IFRD1: variants seen among roughly 807,000 people sequenced by gnomAD.
IFRD1 encodes interferon-related developmental regulator 1.
A neutral mutation model predicts 52.9 loss-of-function variants in IFRD1; 35 were observed. The ratio of observed to expected loss-of-function variants is 0.66; its 90% confidence interval spans 0.51 to 0.88. The LOEUF is 0.88. Among genes scored for constraint, IFRD1 ranks in the 40% least tolerant of loss-of-function variants. IFRD1 has a pLI of 0.00. For missense variants in IFRD1, 517 were observed against 550.8 expected (o/e 0.94, Z 0.61); for synonymous variants, 184 against 188.4 (o/e 0.98, Z 0.19).
chr7:112,467,873 C>T (rs1795650226), intron 8 of IFRD1, 108 bp from the exon 9 acceptor site: 1 of 1,026,580 alleles, frequency 9.7e-7, no homozygotes, highest in Non-Finnish European at 1.5e-6. Flanking sequence ...TTTACATTGC[C>T]TTATGCAACT....
chr7:112,454,279 TG>T (rs1331044969), intron 1 of IFRD1, among the ~76,000 whole-genome samples: 1 of 152,108 alleles, frequency 6.6e-6, no homozygotes, highest in Non-Finnish European at 1.5e-5. Flanking sequence ...CTGCAGTCTG[TG>T]CCACCTGGGT....
At chr7:112,450,858 A>T in intron 1 of IFRD1, 76 bp downstream of exon 1, 1 of 1,013,486 alleles carries the variant, frequency 9.9e-7, no homozygotes, top group Admixed American at 1.8e-5. Context: ...GCACGGTGGG[A>T]GTTGTAGTTC....
chr7:112,437,457 T>C lies in IFRD1; in HGVS notation c.-181-13051T>C, dbSNP rs998140010. On this transcript the variant is annotated intron_variant, in intron 1 of 12. Coordinates refer to the IFRD1 transcript ENST00000005558. ...TACCATGTGCCAGGCATGTGCTAAG[T>C]GCCAGCATGTATTATCTTAATTATC... Among the ~76,000 whole-genome samples, 8 of 152,208 alleles carry C rather than the reference T, an allele frequency of 5.3e-5. No homozygotes were observed. The East Asian group carries it at 1.2e-3, about 22-fold the overall frequency.
intron 8 of IFRD1, chr7:112,467,351 C>A (rs1795636387): frequency 6.6e-6 from 1 of 152,332 alleles, no homozygotes; most frequent in Non-Finnish European, 1.5e-5. Flanking sequence ...AATAAAAACA[C>A]CTCAAATAAA....
At chr7:112,439,259 G>A (rs1298511917) in intron 1 of IFRD1, among the ~76,000 whole-genome samples, 3 of 152,220 alleles carry the variant, frequency 2.0e-5, no homozygotes, top group Non-Finnish European at 4.4e-5. Flanking sequence ...TGACAAGAGT[G>A]AGGATTTCAA....
intron 1 of IFRD1, among the ~76,000 whole-genome samples, chr7:112,423,603 A>G (rs985342789): frequency 2.0e-5 from 3 of 152,190 alleles, no homozygotes; most frequent in African/African-American, 7.2e-5. Context: ...TTGAACAAAA[A>G]CCAGAAGGTG....
upstream of IFRD1, among the ~76,000 whole-genome samples, chr7:112,445,764 T>C (rs1795014207): frequency 6.6e-6 from 1 of 152,230 alleles, no homozygotes; most frequent in Admixed American, 6.5e-5. Context: ...TGGTGTTCTG[T>C]TTCTAATTTG....
chr7:112,476,558 G>A lies in IFRD1; in HGVS notation c.*1039G>A, dbSNP rs1795908580. 1 of 152,132 alleles carries A rather than the reference G, an allele frequency of 6.6e-6. No individual in the cohort carries two copies. Among genetic ancestry groups the A allele is most frequent in the South Asian group, 2.1e-4 (1 of 4,830 alleles). The allele number at this position is 152,132 out of a possible 1,614,324, so 9.4% of individuals were successfully genotyped here. ...ACTCTTTATCTACTTGGGTGCTGAGGCAAGAGGGTAACTTGAGCCCAGGAG... is the reference window on the plus strand; with the variant it reads ...ACTCTTTATCTACTTGGGTGCTGAGACAAGAGGGTAACTTGAGCCCAGGAG... On this transcript the variant is annotated 3_prime_UTR_variant, in exon 12 of 12. Coordinates refer to ENST00000403825, the MANE Select transcript of IFRD1 (RefSeq NM_001550.4).
intron 4 of IFRD1, chr7:112,457,300 G>A (rs899837147): frequency 8.7e-6 from 5 of 573,814 alleles, no homozygotes; most frequent in Non-Finnish European, 1.5e-5. Context: ...CAGAAGAGGT[G>A]ATGGTCATTC....
At chr7:112,470,138 T>TA (rs1380275997) in intron 9 of IFRD1, among the ~76,000 whole-genome samples, 2 of 152,178 alleles carry the variant, frequency 1.3e-5, no homozygotes, top group African/African-American at 4.8e-5. Context: ...AGCAAGCACT[T>TA]AATGTTTTAG....
chr7:112,474,199 T>G (rs892898687), intron 11 of IFRD1, among the ~76,000 whole-genome samples: 3 of 152,250 alleles, frequency 2.0e-5, no homozygotes, highest in Admixed American at 6.5e-5. Context: ...TGAATAGTGT[T>G]GCTCTGAACA....
intron 1 of IFRD1, among the ~76,000 whole-genome samples, chr7:112,439,900 C>T (rs1794828697): frequency 6.6e-6 from 1 of 152,118 alleles, no homozygotes; most frequent in African/African-American, 2.4e-5. Context: ...GATATCTGAA[C>T]AAAATTGGGG....
intron 1 of IFRD1, among the ~76,000 whole-genome samples, chr7:112,440,668 A>C (rs1794859434): frequency 6.6e-6 from 1 of 152,200 alleles, no homozygotes; most frequent in Non-Finnish European, 1.5e-5. Context: ...CTTTCATCTG[A>C]GTGTAAAAGA....
intron 1 of IFRD1, among the ~76,000 whole-genome samples, chr7:112,455,089 C>G (rs1279414385): frequency 6.7e-6 from 1 of 148,228 alleles, no homozygotes; most frequent in African/African-American, 2.5e-5. Context: ...GTCTCAAATT[C>G]CTGACCTCAA....
chr7:112,450,632 G>A lies in IFRD1; in HGVS notation c.-57G>A. The A allele has an allele frequency of 1.4e-6, 2 of 1,386,004 alleles. No individual in the cohort carries two copies. Among genetic ancestry groups the A allele is most frequent in the Non-Finnish European group, 2.1e-6 (2 of 973,854 alleles). 85.9% of individuals were successfully genotyped at this position (1,386,004 alleles called of 1,614,324 possible). A position where few individuals can be genotyped will look rare whatever the true frequency, so the allele number is the denominator to read the frequency against. ...CACAGACGCACGAGTAAAAAGTGCAGCTCCATCGGCTGATCCTCGCTAAGC... is the reference window on the plus strand; with the variant it reads ...CACAGACGCACGAGTAAAAAGTGCAACTCCATCGGCTGATCCTCGCTAAGC... On this transcript the variant is annotated 5_prime_UTR_variant, in exon 1 of 12. Transcript: ENST00000403825.
At chr7:112,454,857 G>GTTTTTTTTTTTTTTTTTTTTTTTTTT (rs398005875) in intron 1 of IFRD1, among the ~76,000 whole-genome samples, 1 of 78,810 alleles carries the variant, frequency 1.3e-5, no homozygotes, top group Non-Finnish European at 2.3e-5. Context: ...CTTCATATCA[G>GTTTTTTTTTTTTTTTTTTTTTTTTTT]TTTTTTTTTT....
At chr7:112,437,540 G>T (rs781463631) in intron 1 of IFRD1, among the ~76,000 whole-genome samples, 2 of 152,022 alleles carry the variant, frequency 1.3e-5, no homozygotes, top group Non-Finnish European at 2.9e-5. Flanking sequence ...GGAAACTGAG[G>T]AACAGAGATT....
chr7:112,424,406 ATTTC>A (rs1460097356), intron 1 of IFRD1, among the ~76,000 whole-genome samples: 5 of 147,258 alleles, frequency 3.4e-5, no homozygotes, highest in East Asian at 4.0e-4. Flanking sequence ...TTATGATAGT[ATTTC>A]TTTCTTTCTT....
intron 9 of IFRD1, among the ~76,000 whole-genome samples, chr7:112,469,947 CTT>C (rs5886617): frequency 1.2e-3 from 172 of 144,852 alleles, no homozygotes; most frequent in African/African-American, 2.9e-3. Context: ...AGTTGTTTCT[CTT>C]TTTTTTTTTT....
Sources: gnomAD v4.1 joint callset for allele counts (sites outside exome capture counted in the v4.1 genomes callset) on GRCh38, gnomAD v4.1.1 for gene constraint, MANE v1.5 for transcripts, NCBI Gene and HGNC (gene_info 2026-07-23, HGNC 2026-07-21) for gene names.